The following ASTN2 variants were observed in gnomAD, a reference collection of about 807,000 sequenced individuals.
The protein encoded by ASTN2 is astrotactin-2.
A neutral mutation model predicts 139.8 loss-of-function variants in ASTN2; 54 were observed. The observed-to-expected ratio is 0.39, with a 90% CI of 0.31 to 0.48. The LOEUF (loss-of-function observed/expected upper bound fraction) is 0.48. Ranked by LOEUF, ASTN2 falls within the 20% of genes least tolerant of loss-of-function variation. The probability of loss-of-function intolerance (pLI) is 0.95; values close to 1 mark genes in which losing one functional copy is unlikely to be tolerated. For missense variants in ASTN2, 1,565 were observed against 1,725.1 expected, an observed-to-expected ratio of 0.91 and a Z score of 1.64; for synonymous variants, 756 against 719.5, an observed-to-expected ratio of 1.05 and a Z score of -0.81.
chr9:117,323,345 C>T (rs994362117), intron 1 of ASTN2, among the ~76,000 whole-genome samples: 2 of 118,258 alleles, frequency 1.7e-5, no homozygotes, highest in Non-Finnish European at 3.6e-5. Context: ...AAGACCTAAC[C>T]CCTCAAAGAC....
At position 116,425,302 on chromosome 9, in the gene ASTN2, G is replaced by C. The variant is rs568627482; in HGVS notation, c.*549C>G. 8 of 477,016 alleles carry C rather than the reference G, an allele frequency of 1.7e-5. No individual in the cohort carries two copies. Among genetic ancestry groups the C allele is most frequent in the East Asian group, 1.6e-4 (4 of 25,464 alleles). 29.5% of individuals were successfully genotyped at this position (477,016 alleles called of 1,614,324 possible). A position where few individuals can be genotyped will look rare whatever the true frequency, so the allele number is the denominator to read the frequency against. On this transcript the variant is annotated 3_prime_UTR_variant, in exon 23 of 23. Transcript: ENST00000313400. ...GGCAGACCCACAGGTAGCAGGAAGA[G>C]GCAGGGTCCCACAAACTCAATAATG...
intron 10 of ASTN2, among the ~76,000 whole-genome samples, chr9:116,865,265 G>A (rs1262144001): frequency 1.3e-5 from 2 of 151,992 alleles, no homozygotes; most frequent in South Asian, 4.2e-4. Context: ...GAGCCCAGGA[G>A]TTCAAGACCA....
chr9:117,337,650 T>C (rs1004661242), intron 1 of ASTN2, among the ~76,000 whole-genome samples: 10 of 152,184 alleles, frequency 6.6e-5, no homozygotes, highest in Admixed American at 1.3e-4. Flanking sequence ...GAATTTTTAC[T>C]GCTGGGATTC....
At chr9:117,324,225 G>A (rs573674649) in intron 1 of ASTN2, among the ~76,000 whole-genome samples, 2 of 152,168 alleles carry the variant, frequency 1.3e-5, no homozygotes, top group African/African-American at 4.8e-5. Context: ...GGACAAAAGT[G>A]TTCCAGCCAA....
intron 1 of ASTN2, among the ~76,000 whole-genome samples, chr9:117,323,400 A>G (rs985738742): frequency 6.6e-6 from 1 of 152,012 alleles, no homozygotes; most frequent in Non-Finnish European, 1.5e-5. Context: ...CATTTACCCA[A>G]CGTCTGGAAT....
At chr9:117,401,728 T>C (rs59028565) in intron 1 of ASTN2, among the ~76,000 whole-genome samples, 2,087 of 152,286 alleles carry the variant, frequency 0.014, 43 homozygotes, top group African/African-American at 0.047. Context: ...AGGCAACACA[T>C]AAACAAAGGA....
chr9:117,041,541 C>T (rs992792273), intron 5 of ASTN2, among the ~76,000 whole-genome samples: 2 of 152,148 alleles, frequency 1.3e-5, no homozygotes, highest in Non-Finnish European at 1.5e-5. Context: ...TCAGCATTTT[C>T]ACCTCTTCCC....
intron 1 of ASTN2, among the ~76,000 whole-genome samples, chr9:117,377,233 T>C (rs1830147609): frequency 6.6e-6 from 1 of 151,950 alleles, no homozygotes; most frequent in Non-Finnish European, 1.5e-5. Flanking sequence ...GGCGATCCAC[T>C]GGGACTGTTT....
At position 116,820,695 on chromosome 9, in the gene ASTN2, C is replaced by A; in HGVS notation, c.2129G>T (p.Gly710Val). The A allele has an allele frequency of 1.2e-6, 2 of 1,614,226 alleles. No homozygotes were observed. Among genetic ancestry groups the A allele is most frequent in the Non-Finnish European group, 1.7e-6 (2 of 1,180,042 alleles). ...GIDCSDGFNG[G>V]CEQLCLQQTL... ...CTGCTGCAGGCACAGCTGCTCACAGCCGCCATTAAAGCCATCAGAGCAGTC... is the reference window on the plus strand; with the variant it reads ...CTGCTGCAGGCACAGCTGCTCACAGACGCCATTAAAGCCATCAGAGCAGTC... Residue 710 changes from glycine (G) to valine (V), a missense_variant, in exon 12 of 23, where the codon GGC (glycine) becomes GTC (valine). This residue lies in a region of ASTN2 where 503 missense variants were observed against 591.7 expected (regional missense o/e 0.85). Transcript: ENST00000313400.
chr9:116,976,092 C>A, intron 9 of ASTN2, 22 bp downstream of exon 9: 7 of 1,611,762 alleles, frequency 4.3e-6, no homozygotes, highest in Non-Finnish European at 5.9e-6. Flanking sequence ...AGAATTATGC[C>A]CCAACAAGAA....
At chr9:116,930,584 T>C (rs1457692316) in intron 10 of ASTN2, among the ~76,000 whole-genome samples, 1 of 151,852 alleles carries the variant, frequency 6.6e-6, no homozygotes, top group East Asian at 1.9e-4. Flanking sequence ...TCCGATTTCA[T>C]TCAGCAAGAC....
chr9:116,824,243 G>C (rs373035561), intron 11 of ASTN2, among the ~76,000 whole-genome samples: 3 of 152,202 alleles, frequency 2.0e-5, no homozygotes, highest in Non-Finnish European at 4.4e-5. Flanking sequence ...AGTGATTCCT[G>C]CCTTCTGGTA....
chr9:116,826,568 C>A (rs917045272), intron 11 of ASTN2, among the ~76,000 whole-genome samples: 1 of 152,154 alleles, frequency 6.6e-6, no homozygotes, highest in Non-Finnish European at 1.5e-5. Flanking sequence ...AAGACCAACA[C>A]GGGTTGCTTG....
intron 5 of ASTN2, among the ~76,000 whole-genome samples, chr9:117,064,122 G>A (rs142861740): frequency 4.0e-5 from 6 of 151,832 alleles, no homozygotes; most frequent in East Asian, 2.0e-4. Context: ...TTTCCAGGAC[G>A]CGCTCACAAC....
At chr9:117,247,322 C>T (rs1038007847) in intron 2 of ASTN2, among the ~76,000 whole-genome samples, 46 of 152,328 alleles carry the variant, frequency 3.0e-4, no homozygotes, top group Non-Finnish European at 5.3e-4. Flanking sequence ...TACCATTTGT[C>T]ACCCAGGCTG....
Position 116,483,144 on chromosome 9 carries a change from C to T in ASTN2, c.3497+4215G>A, listed in dbSNP as rs930386345. ...GAGACTCCTGCTCAGGGTCACCCCT[C>T]GATTCCAACAACCCACCCACGGCAG... On this transcript the variant is annotated intron_variant, in intron 20 of 22. Coordinates refer to ENST00000313400, the MANE Select transcript of ASTN2 (RefSeq NM_001365068.1). Among the ~76,000 whole-genome samples the T allele has an allele frequency of 4.6e-5, 7 of 152,342 alleles. No homozygotes were observed. The East Asian group carries it at 1.4e-3, about 29-fold the overall frequency.
At chr9:117,025,381 C>T (rs1233807142) in intron 6 of ASTN2, among the ~76,000 whole-genome samples, 2 of 152,144 alleles carry the variant, frequency 1.3e-5, no homozygotes, top group African/African-American at 4.8e-5. Flanking sequence ...GCAGAAGCTG[C>T]CATCTTTAAT....
intron 13 of ASTN2, among the ~76,000 whole-genome samples, chr9:116,735,766 T>A (rs1264989522): frequency 2.0e-5 from 3 of 152,208 alleles, no homozygotes; most frequent in African/African-American, 7.2e-5. Flanking sequence ...AGGAGGTAGC[T>A]CAGCCTTGGA....
chr9:116,879,868 C>T (rs913645859), intron 10 of ASTN2, among the ~76,000 whole-genome samples: 1 of 152,204 alleles, frequency 6.6e-6, no homozygotes, highest in Non-Finnish European at 1.5e-5. Flanking sequence ...GACTTGTTTT[C>T]CAATCTGATG....
Sources: allele counts gnomAD v4.1 joint callset (sites outside exome capture counted in the v4.1 genomes callset), GRCh38; gene constraint gnomAD v4.1.1; regional missense constraint gnomAD v4.1.1; transcripts MANE v1.5; gene names NCBI Gene and HGNC (gene_info 2026-07-23, HGNC 2026-07-21).